Variants in LVRN observed in about 807,000 individuals in gnomAD.
The protein encoded by LVRN is aminopeptidase Q.
Under a neutral mutation model 111.4 loss-of-function variants are expected in LVRN, and 99 were observed. The ratio of observed to expected loss-of-function variants is 0.89; its 90% CI spans 0.76 to 1.05. LVRN has a LOEUF of 1.05. LVRN is among the 50% of genes least tolerant of loss of function. The pLI is 0.00. For missense variants in LVRN, 1,414 were observed against 1,206.8 expected (o/e 1.17, Z -2.54); for synonymous variants, 488 against 449.5 (o/e 1.09, Z -1.08).
rs374276065 is a variant in LVRN, at chr5:115,969,448, C to T, written c.695+6136C>T. ...TGTTTTCAATTTCATTAATTATTTT[C>T]ATCTGCAGTGTTTAGTTTGCTTTTA... On this transcript the variant is annotated intron_variant, in intron 1 of 19. Transcript: ENST00000357872. Among the ~76,000 whole-genome samples the T allele has an allele frequency of 2.6e-5, 4 of 152,150 alleles. No individual in the cohort carries two copies. The East Asian group carries it at 5.8e-4, about 22-fold the overall frequency.
chr5:116,000,048 C>T, intron 7 of LVRN, 146 bp downstream of exon 7: 1 of 941,374 alleles, frequency 1.1e-6, no homozygotes, highest in East Asian at 2.7e-5. Flanking sequence ...TATCAGAAAA[C>T]ATGATTAAAT....
intron 6 of LVRN, among the ~76,000 whole-genome samples, chr5:115,998,126 G>A (rs78505159): frequency 0.034 from 5,180 of 152,194 alleles, 204 homozygotes; most frequent in Admixed American, 0.085. Flanking sequence ...CTAATAAAAG[G>A]GAAATGATTA....
rs1461571131 is a variant in LVRN at position 116,011,022 on chromosome 5, TA to T, written c.2247+129del. 4.2e-3 allele frequency: 1,286 copies of T among 309,284 alleles called. 7 individuals are homozygous for T. The highest frequency in any genetic ancestry group is 6.2e-3 in the Middle Eastern group (6 of 972). 19.2% of individuals were successfully genotyped at this position (309,284 alleles called of 1,614,324 possible). A position where few individuals can be genotyped will look rare whatever the true frequency, so the allele number is the denominator to read the frequency against. On this transcript the variant is annotated intron_variant, in intron 14 of 19. Transcript: ENST00000357872. ...TTAGTTCCATATATATATATATATATATATGGAAGTATATACATTTCCTTAA... is the reference window on the plus strand; with the variant it reads ...TTAGTTCCATATATATATATATATATTATGGAAGTATATACATTTCCTTAA...
At chr5:115,995,855 T>G (rs1262798666) in intron 6 of LVRN, among the ~76,000 whole-genome samples, 19 of 152,202 alleles carry the variant, frequency 1.2e-4, no homozygotes, top group Non-Finnish European at 2.6e-4. Context: ...GAGATTCAAT[T>G]CCAGGTCAGG....
At chr5:116,003,566 T>C (rs1748286147) in intron 12 of LVRN, among the ~76,000 whole-genome samples, 186 bp downstream of exon 12, 1 of 116,414 alleles carries the variant, frequency 8.6e-6, no homozygotes, top group South Asian at 2.7e-4. Flanking sequence ...GTTGTCTGTG[T>C]GGTTTTTTTT....
rs553771558 is a variant in LVRN, at chr5:115,997,788, A to T, written c.1375-1974A>T. Among the ~76,000 whole-genome samples the T allele has an allele frequency of 1.1e-3, 173 of 152,298 alleles. 1 individual carries two copies. Among genetic ancestry groups the T allele is most frequent in the Non-Finnish European group, 2.2e-3 (152 of 68,028 alleles). On this transcript the variant is annotated intron_variant, in intron 6 of 19. Coordinates refer to ENST00000357872, the MANE Select transcript of LVRN (RefSeq NM_173800.5). The stretch of plus-strand genomic sequence containing the variant: ...ATGCAGTAGCTAGATAGTTTTTTTT[A>T]AAGCTGACATCATGTTTTATGTAGT...
chr5:115,977,727 T>C (rs750163291), intron 1 of LVRN, among the ~76,000 whole-genome samples: 5 of 152,202 alleles, frequency 3.3e-5, no homozygotes, highest in Non-Finnish European at 4.4e-5. Flanking sequence ...GCTGGTCGTC[T>C]AATCAGTTGC....
At chr5:115,986,095 C>A (rs774390376) in intron 3 of LVRN, among the ~76,000 whole-genome samples, 1 of 152,234 alleles carries the variant, frequency 6.6e-6, no homozygotes, top group Non-Finnish European at 1.5e-5. Context: ...CAAAGCTCCT[C>A]CTAACTTAAT....
At chr5:115,963,405 C>G in intron 1 of LVRN, 93 bp downstream of exon 1, 1 of 959,952 alleles carries the variant, frequency 1.0e-6, no homozygotes, top group Non-Finnish European at 1.5e-6. Flanking sequence ...TCCAGGTGCG[C>G]GTCTGCTGCC....
Position 115,992,198 on chromosome 5 carries a change from T to C in LVRN, c.1181T>C (p.Leu394Ser). 6.2e-7 allele frequency: 1 copy of C among 1,614,026 alleles called. No individual in the cohort carries two copies. Among genetic ancestry groups the C allele is most frequent in the Non-Finnish European group, 8.5e-7 (1 of 1,179,920 alleles). The change falls in exon 5 of 20, where the codon TTG becomes TCG. Residue 394 changes from leucine to serine, a missense_variant. Physicochemically the swap from Leu to Ser is moderately radical, Grantham distance 145. Coordinates refer to ENST00000357872, the MANE Select transcript of LVRN (RefSeq NM_173800.5). The part of the protein sequence containing the change: ...WGLMIFDESG[L>S]LLEPKDQLTE... ...CTAATGATATTTGATGAATCAGGAT[T>C]GTTGTTGGAACCAAAAGATCAACTG...
At position 116,008,265 on chromosome 5, in the gene LVRN, A is replaced by G. The variant is rs1376005850; in HGVS notation, c.2093+2298A>G. Among the ~76,000 whole-genome samples, 3 of 152,128 alleles carry G rather than the reference A, an allele frequency of 2.0e-5. No individual in the cohort carries two copies. In the East Asian group the frequency reaches 5.8e-4, roughly 29 times the overall value. On this transcript the variant is annotated intron_variant, in intron 13 of 19. Coordinates refer to ENST00000357872, the MANE Select transcript of LVRN (RefSeq NM_173800.5). ...AGGCTGAGGCAGGAGAATGGCATGA[A>G]CCCAGGAAGCAGAGCTTGCAGTGAG... is the stretch of plus-strand genomic sequence containing the variant.
Position 116,015,253 on chromosome 5 carries a change from A to G in LVRN, c.2452A>G (p.Ile818Val). 6.3e-7 allele frequency: 1 copy of G among 1,580,196 alleles called. No homozygotes were observed. The highest frequency in any genetic ancestry group is 2.3e-5 in the East Asian group (1 of 43,986). ...ATCATTTTATGTTATATTTTACAGA[A>G]TACCTTATCCAATTAAAGATGTGGT... ...AKWVDHPENE[I>V]PYPIKDVVLC... The change falls in exon 17 of 20, where the codon ATA (isoleucine) becomes GTA (valine). Residue 818 changes from isoleucine (I) to valine (V), a missense_variant and splice_region_variant. By Grantham distance (29) the Ile-to-Val change is conservative. Coordinates refer to ENST00000357872, the MANE Select transcript of LVRN (RefSeq NM_173800.5).
Position 115,962,993 on chromosome 5 carries a change from C to G in LVRN, c.376C>G (p.Pro126Ala), listed in dbSNP as rs1343353300. ...RPDELPAGSL[P>A]FTGRVNITVR... is the part of the protein sequence containing the mutation. ...CGACGAGCTTCCGGCCGGGTCTTTG[C>G]CCTTCACTGGCCGCGTGAACATCAC... The change falls in exon 1 of 20, where the codon CCC (proline) becomes GCC (alanine). Residue 126 changes from proline to alanine, a missense_variant. Physicochemically the swap from Pro to Ala is conservative, Grantham distance 27. Coordinates refer to ENST00000357872, the MANE Select transcript of LVRN (RefSeq NM_173800.5). 6.2e-7 allele frequency: 1 copy of G among 1,613,464 alleles called. No homozygotes were observed. Among genetic ancestry groups the G allele is most frequent in the Non-Finnish European group, 8.5e-7 (1 of 1,179,926 alleles).
intron 6 of LVRN, among the ~76,000 whole-genome samples, chr5:115,997,620 C>T (rs572030288): frequency 2.0e-5 from 3 of 151,126 alleles, no homozygotes; most frequent in Non-Finnish European, 4.4e-5. Flanking sequence ...GCTATGACCA[C>T]ACCAGTGCAC....
At chr5:116,002,039 AT>A (rs1467905777) in intron 10 of LVRN, among the ~76,000 whole-genome samples, 80 of 152,340 alleles carry the variant, frequency 5.3e-4, no homozygotes, top group Non-Finnish European at 9.4e-4. Flanking sequence ...TAATTTTCAA[AT>A]ACAATCACCA....
intron 15 of LVRN, among the ~76,000 whole-genome samples, chr5:116,013,349 A>G (rs755143892): frequency 1.1e-4 from 16 of 152,214 alleles, no homozygotes; most frequent in African/African-American, 2.4e-4. Context: ...GGCAATCTGT[A>G]TGAATGAGTG....
At chr5:116,021,988 G>C (rs190978861) in intron 18 of LVRN, among the ~76,000 whole-genome samples, 1 of 152,174 alleles carries the variant, frequency 6.6e-6, no homozygotes, top group South Asian at 2.1e-4. Flanking sequence ...TTAAATACAC[G>C]TTCAGGGGGC....
rs191230648 is a variant in LVRN at position 116,009,396 on chromosome 5, C to T, written c.2094-1345C>T. Among the ~76,000 whole-genome samples, 26 of 152,240 alleles carry T rather than the reference C, an allele frequency of 1.7e-4. No individual in the cohort carries two copies. The East Asian group carries it at 5.0e-3, about 29-fold the overall frequency. On this transcript the variant is annotated intron_variant, in intron 13 of 19. Transcript: ENST00000357872. ...CTAACACAATATCAATTCTTCAGCC[C>T]AGGGATCAAGGAGTAATTTCTGCTT...
intron 1 of LVRN, chr5:115,975,895 TA>T (rs1035744519): frequency 6.2e-6 from 1 of 160,104 alleles, no homozygotes. Context: ...ATTTGTTTTT[TA>T]AAAAACACAT....
Sources: allele counts gnomAD v4.1 joint callset (sites outside exome capture counted in the v4.1 genomes callset), GRCh38; gene constraint gnomAD v4.1.1; transcripts MANE v1.5; gene names NCBI Gene and HGNC (gene_info 2026-07-23, HGNC 2026-07-21).